The following MMP26 variants were observed in gnomAD, a reference collection of about 807,000 sequenced individuals.
MMP26 encodes matrix metallopeptidase 26.
Under a neutral mutation model 31.0 loss-of-function variants are expected in MMP26, and 33 were observed. The ratio of observed to expected loss-of-function variants is 1.06; its 90% CI spans 0.81 to 1.42. The LOEUF (loss-of-function observed/expected upper bound fraction) is 1.42, where lower values mean the gene tolerates loss of function less well. Ranked by LOEUF, MMP26 falls within the 40% of genes most tolerant of loss-of-function variation. The pLI is 0.00. For missense variants in MMP26, 347 were observed against 316.1 expected (o/e 1.10, Z -0.74); for synonymous variants, 122 against 114.9 (o/e 1.06, Z -0.40).
chr11:4,762,915 A>C (rs188115462), intron 1 of MMP26, among the ~76,000 whole-genome samples: 155 of 152,272 alleles, frequency 1.0e-3, no homozygotes, highest in Non-Finnish European at 1.7e-3. Flanking sequence ...TTTTCAGCAA[A>C]ATAGAGTGGT....
intron 2 of MMP26, among the ~76,000 whole-genome samples, chr11:4,852,748 CAA>C (rs200731149): frequency 0.018 from 2,735 of 152,198 alleles, 55 homozygotes; most frequent in Non-Finnish European, 0.024. Context: ...GCCATGATCT[CAA>C]AGAGATATCT....
At position 4,989,822 on chromosome 11, in the gene MMP26, A is replaced by T. The variant is rs1846968557; in HGVS notation, c.274A>T (p.Ile92Phe). ...CGVPDGSDTS[I>F]SPGRCKWNKH... The stretch of plus-strand genomic sequence containing the variant: ...GGTGCCTGATGGGTCCGACACCTCC[A>T]TCTCGCCAGGAAGATGCAAGTGGAA... The change falls in exon 4 of 8, where the codon ATC (isoleucine) becomes TTC (phenylalanine). Residue 92 changes from isoleucine to phenylalanine, a missense_variant. Coordinates refer to ENST00000380390, the MANE Select transcript of MMP26 (RefSeq NM_021801.5). The T allele has an allele frequency of 6.2e-7, 1 of 1,612,720 alleles. No individual in the cohort carries two copies. Among genetic ancestry groups the T allele is most frequent in the African/African-American group, 1.3e-5 (1 of 74,914 alleles).
chr11:4,866,879 A>G (rs1850242155), intron 2 of MMP26, among the ~76,000 whole-genome samples: 1 of 152,184 alleles, frequency 6.6e-6, no homozygotes, highest in South Asian at 2.1e-4. Flanking sequence ...CTGGCAGGCC[A>G]TAGGCAGAAA....
At chr11:4,903,585 G>A (rs1408681265) in intron 2 of MMP26, among the ~76,000 whole-genome samples, 1 of 152,070 alleles carries the variant, frequency 6.6e-6, no homozygotes, top group African/African-American at 2.4e-5. Context: ...TCTCCCTGTA[G>A]TTTGTCTCAC....
intron 2 of MMP26, among the ~76,000 whole-genome samples, chr11:4,822,835 C>T (rs989696082): frequency 9.2e-5 from 14 of 152,044 alleles, no homozygotes; most frequent in African/African-American, 2.9e-4. Context: ...AATGTAATTC[C>T]ACATTGGGTC....
At chr11:4,923,628 G>C (rs758470497) in intron 2 of MMP26, 2 of 1,614,022 alleles carry the variant, frequency 1.2e-6, no homozygotes, top group Non-Finnish European at 1.7e-6. Context: ...TTGAGGGCTC[G>C]GAGTCGCTCC....
intron 2 of MMP26, among the ~76,000 whole-genome samples, chr11:4,900,228 C>G (rs1160519458): frequency 1.3e-5 from 2 of 152,122 alleles, no homozygotes; most frequent in Non-Finnish European, 2.9e-5. Flanking sequence ...AACATAATGT[C>G]CTATGCTGGT....
chr11:4,808,844 T>C (rs1241475527), intron 2 of MMP26, among the ~76,000 whole-genome samples: 1 of 149,938 alleles, frequency 6.7e-6, no homozygotes, highest in Non-Finnish European at 1.5e-5. Flanking sequence ...TGTTGACAGG[T>C]GCCTCCCTTT....
At chr11:4,722,955 T>C (rs1015295032) in intron 1 of MMP26, 1 of 793,974 alleles carries the variant, frequency 1.3e-6, no homozygotes, top group Non-Finnish European at 2.3e-6. Flanking sequence ...TTTGTATGGA[T>C]ACTCATGTTC....
chr11:4,984,400 G>A (rs1048751141), intron 2 of MMP26, among the ~76,000 whole-genome samples: 1 of 152,144 alleles, frequency 6.6e-6, no homozygotes, highest in Non-Finnish European at 1.5e-5. Context: ...CAGCGTATGC[G>A]CTCAATAAGT....
intron 1 of MMP26, chr11:4,756,766 A>G (rs537297921): frequency 6.6e-6 from 1 of 152,012 alleles, no homozygotes; most frequent in East Asian, 1.9e-4. Flanking sequence ...TGGCCTAGTG[A>G]GTAGAGTTTG....
At chr11:4,734,833 C>T (rs1054556242) in intron 1 of MMP26, among the ~76,000 whole-genome samples, 7 of 152,112 alleles carry the variant, frequency 4.6e-5, no homozygotes, top group African/African-American at 9.7e-5. Context: ...AGAATAGCAT[C>T]GCATAGCATA....
At chr11:4,902,199 T>A (rs1228892392) in intron 2 of MMP26, among the ~76,000 whole-genome samples, 2 of 152,182 alleles carry the variant, frequency 1.3e-5, no homozygotes, top group Non-Finnish European at 2.9e-5. Flanking sequence ...TCACTTCAGA[T>A]GAAAATTTTA....
chr11:4,756,769 A>G (rs1467490467), intron 1 of MMP26: 2 of 151,934 alleles, frequency 1.3e-5, no homozygotes, highest in East Asian at 3.9e-4. Flanking sequence ...CCTAGTGAGT[A>G]GAGTTTGACA....
intron 2 of MMP26, among the ~76,000 whole-genome samples, chr11:4,838,910 C>T (rs898438979): frequency 5.3e-5 from 8 of 152,198 alleles, no homozygotes; most frequent in South Asian, 2.1e-4. Flanking sequence ...AAAAACCTAC[C>T]TTGAATCGCC....
chr11:4,859,255 C>A (rs960463937), intron 2 of MMP26, among the ~76,000 whole-genome samples: 10 of 152,122 alleles, frequency 6.6e-5, no homozygotes, highest in African/African-American at 1.9e-4. Context: ...TTCTGCACAG[C>A]AAAATGATAA....
At chr11:4,915,000 A>G (rs1278155804) in intron 2 of MMP26, 1 of 1,614,104 alleles carries the variant, frequency 6.2e-7, no homozygotes, top group Non-Finnish European at 8.5e-7. Flanking sequence ...AGAGCATAAG[A>G]GAAGAGGATG....
At chr11:4,927,384 A>T (rs1312212512) in intron 2 of MMP26, among the ~76,000 whole-genome samples, 2 of 152,194 alleles carry the variant, frequency 1.3e-5, no homozygotes, top group Non-Finnish European at 2.9e-5. Flanking sequence ...AAAAGAGATG[A>T]CAGGCAGCAA....
At position 4,888,634 on chromosome 11, in the gene MMP26, C is replaced by T. The variant is rs149436505; in HGVS notation, c.-144-99434C>T. Among the ~76,000 whole-genome samples, 738 of 151,944 alleles carry T rather than the reference C, an allele frequency of 4.9e-3. 5 individuals are homozygous for T. Among genetic ancestry groups the T allele is most frequent in the African/African-American group, 0.017 (703 of 41,460 alleles). On this transcript the variant is annotated intron_variant, in intron 2 of 7. Transcript: ENST00000380390. Reference sequence around the variant, plus strand: ...TTGACCATGGCTTATGGAACTTTGCCGTAACATAGAAAAAAATTTGGTTTT... The same window carrying T: ...TTGACCATGGCTTATGGAACTTTGCTGTAACATAGAAAAAAATTTGGTTTT...
Sources: allele counts gnomAD v4.1 joint callset (sites outside exome capture counted in the v4.1 genomes callset), GRCh38; gene constraint gnomAD v4.1.1; transcripts MANE v1.5; gene names NCBI Gene and HGNC (gene_info 2026-07-23, HGNC 2026-07-21).